Variants in CTDSPL2 observed in about 807,000 individuals in gnomAD.
CTDSPL2 encodes the protein CTD small phosphatase-like protein 2.
Under a neutral mutation model 60.0 loss-of-function variants are expected in CTDSPL2, and 5 were observed. The observed-to-expected ratio is 0.08, with a 90% CI of 0.04 to 0.18. The LOEUF is 0.18. Ranked by LOEUF, CTDSPL2 falls within the 10% of genes least tolerant of loss-of-function variation. The probability of loss-of-function intolerance (pLI) is 1.00; values close to 1 mark genes in which losing one functional copy is unlikely to be tolerated. For missense variants in CTDSPL2, 370 were observed against 548.8 expected, an observed-to-expected ratio of 0.67 and a Z score of 3.26; for synonymous variants, 186 against 189.3, an observed-to-expected ratio of 0.98 and a Z score of 0.14.
intron 8 of CTDSPL2, among the ~76,000 whole-genome samples, chr15:44,511,824 T>C (rs908965490): frequency 2.1e-5 from 3 of 142,210 alleles, no homozygotes; most frequent in Non-Finnish European, 4.5e-5. Context: ...GCCAAGATCA[T>C]GTTACTGCAC....
intron 8 of CTDSPL2, among the ~76,000 whole-genome samples, chr15:44,508,246 C>A (rs147021308): frequency 0.013 from 1,923 of 151,954 alleles, 53 homozygotes; most frequent in African/African-American, 0.045. Context: ...CCACGCCTGG[C>A]TAATTTTTGT....
intron 2 of CTDSPL2, among the ~76,000 whole-genome samples, chr15:44,475,782 A>C (rs1259643364): frequency 6.6e-6 from 1 of 152,222 alleles, no homozygotes; most frequent in Non-Finnish European, 1.5e-5. Context: ...ATGACAGTAT[A>C]CTAAATTGTC....
At chr15:44,484,179 A>C (rs1187476206) in intron 2 of CTDSPL2, 45 bp from the exon 3 acceptor site, 2 of 1,527,336 alleles carry the variant, frequency 1.3e-6, no homozygotes, top group Non-Finnish European at 1.8e-6. Flanking sequence ...CCTGTAAGGC[A>C]GAATGATTGT....
rs935440832 is a variant in CTDSPL2, at chr15:44,442,713, C to T, written c.-25+14941C>T. Among the ~76,000 whole-genome samples the T allele has an allele frequency of 3.3e-5, 5 of 151,896 alleles. No individual in the cohort carries two copies. The South Asian group carries it at 1.0e-3, about 32-fold the overall frequency. On this transcript the variant is annotated intron_variant, in intron 1 of 12. Transcript: ENST00000260327. Reference sequence around the variant, plus strand: ...AAATAGGGCCAGGCATGGTAGCTCACGCCTGTAATCACAGCACTTCAAGAG... The same window carrying T: ...AAATAGGGCCAGGCATGGTAGCTCATGCCTGTAATCACAGCACTTCAAGAG...
chr15:44,514,209 A>G lies in CTDSPL2; in HGVS notation c.970-389A>G, dbSNP rs2081613121. Among the ~76,000 whole-genome samples, 3 of 152,362 alleles carry G rather than the reference A, an allele frequency of 2.0e-5. No individual in the cohort carries two copies. The South Asian group carries it at 6.2e-4, about 32-fold the overall frequency. ...GAGTAATTATTGAGGAAGGTCATTG[A>G]GACAGGTCAGCTAGAGGTGGACACA... is the stretch of plus-strand genomic sequence containing the variant. On this transcript the variant is annotated intron_variant, in intron 8 of 12. Coordinates refer to ENST00000260327, the MANE Select transcript of CTDSPL2 (RefSeq NM_016396.3).
At chr15:44,461,409 G>C (rs2080566259) in intron 2 of CTDSPL2, among the ~76,000 whole-genome samples, 1 of 151,586 alleles carries the variant, frequency 6.6e-6, no homozygotes, top group South Asian at 2.1e-4. Flanking sequence ...TTTTTTTTTA[G>C]ACAGGATCTT....
chr15:44,491,756 CAT>C (rs1424256578), intron 5 of CTDSPL2, among the ~76,000 whole-genome samples: 1 of 152,106 alleles, frequency 6.6e-6, no homozygotes, highest in African/African-American at 2.4e-5. Context: ...AGTTAAGAAA[CAT>C]AGTTTGGGGC....
chr15:44,525,492 A>AT lies in CTDSPL2; in HGVS notation c.*1319dup. The AT allele has an allele frequency of 2.5e-6, 1 of 398,910 alleles. No homozygotes were observed. Among genetic ancestry groups the AT allele is most frequent in the Non-Finnish European group, 4.4e-6 (1 of 225,958 alleles). 24.7% of individuals were successfully genotyped at this position (398,910 alleles called of 1,614,324 possible). ...TGCTTTGCCTCTCAACTGCATTAAC[A>AT]TGCCACAGGCTCAGACTGTTTTTGT... On this transcript the variant is annotated 3_prime_UTR_variant, in exon 13 of 13. Coordinates refer to ENST00000260327, the MANE Select transcript of CTDSPL2 (RefSeq NM_016396.3).
In CTDSPL2 at chr15:44,526,746, A is replaced by G. The variant is rs2081881069; in HGVS notation, c.*2572A>G. On this transcript the variant is annotated 3_prime_UTR_variant, in exon 13 of 13. Transcript: ENST00000260327. ...AGATGTAAAAAACTTCCATTTAGTT[A>G]ATCGGAGGTGTGTATTTTTTAAATT... is the stretch of plus-strand genomic sequence containing the variant. The G allele has an allele frequency of 6.6e-6, 1 of 152,080 alleles. No homozygotes were observed. The highest frequency in any genetic ancestry group is 6.6e-5 in the Admixed American group (1 of 15,266). 9.4% of individuals were successfully genotyped at this position (152,080 alleles called of 1,614,324 possible). A position where few individuals can be genotyped will look rare whatever the true frequency, so the allele number is the denominator to read the frequency against.
At chr15:44,513,333 G>C (rs948951274) in intron 8 of CTDSPL2, among the ~76,000 whole-genome samples, 3 of 151,864 alleles carry the variant, frequency 2.0e-5, no homozygotes, top group African/African-American at 4.8e-5. Flanking sequence ...CGGTCGTGGT[G>C]ATGAGCACCT....
intron 1 of CTDSPL2, among the ~76,000 whole-genome samples, chr15:44,432,968 A>G (rs2079891571): frequency 6.6e-6 from 1 of 152,060 alleles, no homozygotes; most frequent in Non-Finnish European, 1.5e-5. Flanking sequence ...TATATTGAAC[A>G]TGAATGATCA....
chr15:44,515,599 G>A (rs561366810), intron 10 of CTDSPL2, among the ~76,000 whole-genome samples: 6 of 152,220 alleles, frequency 3.9e-5, no homozygotes, highest in South Asian at 2.1e-4. Context: ...GGCCAGGCGC[G>A]GTGGCTCACG....
intron 2 of CTDSPL2, among the ~76,000 whole-genome samples, chr15:44,483,278 A>G (rs968301020): frequency 1.3e-5 from 2 of 151,356 alleles, no homozygotes; most frequent in African/African-American, 4.9e-5. Context: ...AAAAAAAAAG[A>G]AAAAGAAAAA....
intron 3 of CTDSPL2, among the ~76,000 whole-genome samples, chr15:44,484,697 G>A (rs2081088800): frequency 6.6e-6 from 1 of 152,166 alleles, no homozygotes; most frequent in Non-Finnish European, 1.5e-5. Flanking sequence ...CTGAGATTGT[G>A]CCACTACACT....
At chr15:44,442,714 G>A (rs1055632616) in intron 1 of CTDSPL2, among the ~76,000 whole-genome samples, 12 of 151,854 alleles carry the variant, frequency 7.9e-5, no homozygotes, top group African/African-American at 2.9e-4. Flanking sequence ...GGTAGCTCAC[G>A]CCTGTAATCA....
chr15:44,504,602 G>A (rs996875328), intron 8 of CTDSPL2, among the ~76,000 whole-genome samples: 2 of 152,114 alleles, frequency 1.3e-5, no homozygotes, highest in African/African-American at 4.8e-5. Context: ...GGCCGGGGCA[G>A]TGGCTTGCTT....
intron 1 of CTDSPL2, among the ~76,000 whole-genome samples, chr15:44,441,827 A>G (rs977257136): frequency 5.3e-5 from 8 of 152,170 alleles, no homozygotes; most frequent in Non-Finnish European, 8.8e-5. Flanking sequence ...ATTTAGAAGA[A>G]TGAATCTCTA....
intron 1 of CTDSPL2, among the ~76,000 whole-genome samples, chr15:44,440,331 G>A (rs1296173795): frequency 6.6e-6 from 1 of 151,818 alleles, no homozygotes; most frequent in Non-Finnish European, 1.5e-5. Flanking sequence ...GAGTAGCTGG[G>A]ATTACAGGTG....
At chr15:44,495,798 G>A (rs1350261010) in intron 5 of CTDSPL2, among the ~76,000 whole-genome samples, 2 of 152,070 alleles carry the variant, frequency 1.3e-5, no homozygotes, top group African/African-American at 2.4e-5. Flanking sequence ...GCCAGGTGTG[G>A]TGGCACGTGT....
Sources: gnomAD v4.1 joint callset for allele counts (sites outside exome capture counted in the v4.1 genomes callset) on GRCh38, gnomAD v4.1.1 for gene constraint, MANE v1.5 for transcripts, NCBI Gene and HGNC (gene_info 2026-07-23, HGNC 2026-07-21) for gene names.